Variants in RORA observed in about 807,000 individuals in gnomAD.
RORA encodes nuclear receptor ROR-alpha.
A neutral mutation model predicts 69.5 loss-of-function variants in RORA; 7 were observed. That is an observed-to-expected ratio of 0.10 (90% CI 0.06 to 0.19). RORA has a LOEUF of 0.19. Ranked by LOEUF, RORA falls within the 10% of genes least tolerant of loss-of-function variation. The pLI is 1.00. For synonymous variants in RORA, 261 were observed against 240.8 expected (o/e 1.08, Z -0.78); for missense variants, 457 against 663.0 (o/e 0.69, Z 3.41).
chr15:60,524,831 C>T (rs1052851174), intron 3 of RORA, among the ~76,000 whole-genome samples: 8 of 152,156 alleles, frequency 5.3e-5, no homozygotes, highest in Non-Finnish European at 8.8e-5. Context: ...ATTTGCAATC[C>T]GCAACAACCT....
chr15:60,548,588 G>A (rs116391837), intron 2 of RORA, among the ~76,000 whole-genome samples: 2,640 of 152,274 alleles, frequency 0.017, 72 homozygotes, highest in African/African-American at 0.052. Context: ...CAAGTGCTGG[G>A]AGGCACGAAG....
chr15:60,729,673 G>C (rs940916052), intron 1 of RORA, among the ~76,000 whole-genome samples: 2 of 152,176 alleles, frequency 1.3e-5, no homozygotes, highest in Non-Finnish European at 2.9e-5. Flanking sequence ...CCTTGGGTAG[G>C]GTAGGTTTGT....
intron 1 of RORA, among the ~76,000 whole-genome samples, chr15:60,776,770 T>G (rs776075166): frequency 6.6e-6 from 1 of 152,204 alleles, no homozygotes; most frequent in Non-Finnish European, 1.5e-5. Flanking sequence ...ATGGCATCAG[T>G]AACAGTGCAA....
At chr15:61,165,102 C>T (rs922861340) in intron 1 of RORA, among the ~76,000 whole-genome samples, 3 of 152,166 alleles carry the variant, frequency 2.0e-5, no homozygotes, top group African/African-American at 4.8e-5. Flanking sequence ...GAATAAACTG[C>T]GTAATTGTGA....
At chr15:61,116,227 G>A in intron 1 of RORA, among the ~76,000 whole-genome samples, 1 of 152,146 alleles carries the variant, frequency 6.6e-6, no homozygotes, top group East Asian at 1.9e-4. Context: ...TGAAGACGGT[G>A]AATATAGGAA....
At chr15:60,708,843 A>G (rs569376853) in intron 1 of RORA, among the ~76,000 whole-genome samples, 1 of 152,234 alleles carries the variant, frequency 6.6e-6, no homozygotes, top group African/African-American at 2.4e-5. Flanking sequence ...CTATTCCCTA[A>G]CAGAGCATCC....
At chr15:61,214,537 C>G (rs2080020533) in intron 1 of RORA, among the ~76,000 whole-genome samples, 1 of 152,192 alleles carries the variant, frequency 6.6e-6, no homozygotes, top group African/African-American at 2.4e-5. Context: ...ATGGACAAGT[C>G]TTTCTGAGGT....
At chr15:61,138,129 C>T (rs2079262423) in intron 1 of RORA, among the ~76,000 whole-genome samples, 1 of 152,148 alleles carries the variant, frequency 6.6e-6, no homozygotes, top group African/African-American at 2.4e-5. Flanking sequence ...AAAACACTAA[C>T]TCACATGCTT....
At chr15:60,938,491 G>A (rs1027672807) in intron 1 of RORA, among the ~76,000 whole-genome samples, 1 of 152,182 alleles carries the variant, frequency 6.6e-6, no homozygotes, top group African/African-American at 2.4e-5. Context: ...CGTGTGCAAA[G>A]AATTCAAATA....
At chr15:60,917,983 A>T (rs1566908906) in intron 1 of RORA, among the ~76,000 whole-genome samples, 1 of 152,222 alleles carries the variant, frequency 6.6e-6, no homozygotes, top group Non-Finnish European at 1.5e-5. Flanking sequence ...CTTTCTTCCC[A>T]TTCTCAGCCA....
At chr15:60,818,973 A>G (rs2072852365) in intron 1 of RORA, among the ~76,000 whole-genome samples, 2 of 152,234 alleles carry the variant, frequency 1.3e-5, no homozygotes, top group Non-Finnish European at 2.9e-5. Context: ...CAAACTCTAC[A>G]CCACTGTTTG....
chr15:60,789,278 T>C (rs746516112), intron 1 of RORA, among the ~76,000 whole-genome samples: 1 of 152,206 alleles, frequency 6.6e-6, no homozygotes, highest in Non-Finnish European at 1.5e-5. Context: ...ACTCTCTTCA[T>C]CCTGGCATCA....
intron 1 of RORA, among the ~76,000 whole-genome samples, chr15:60,788,811 C>T (rs77525671): frequency 0.039 from 6,003 of 152,320 alleles, 190 homozygotes; most frequent in Admixed American, 0.099. Context: ...CATGAGAAAG[C>T]CCCTGTCCCG....
Position 60,741,864 on chromosome 15 carries a change from C to A in RORA, c.167-63178G>T, listed in dbSNP as rs4476124. Among the ~76,000 whole-genome samples the A allele has an allele frequency of 2.6e-5, 4 of 152,192 alleles. 1 individual carries two copies. In the South Asian group the frequency reaches 8.3e-4, roughly 32 times the overall value. ...TTCCTGCATGGCCGCATGGCCACAGCTGATCCCCTCACTCGCCTCAAACCA... is the reference window on the plus strand; with the variant it reads ...TTCCTGCATGGCCGCATGGCCACAGATGATCCCCTCACTCGCCTCAAACCA... On this transcript the variant is annotated intron_variant, in intron 1 of 10. Coordinates refer to ENST00000335670, the MANE Select transcript of RORA (RefSeq NM_134261.3).
At chr15:61,225,700 C>A (rs2080139222) in intron 1 of RORA, among the ~76,000 whole-genome samples, 1 of 152,146 alleles carries the variant, frequency 6.6e-6, no homozygotes. Context: ...CTTCACTGAA[C>A]TAAAATATGT....
At chr15:60,505,673 T>A in intron 5 of RORA, 44 bp from the exon 6 acceptor site, 1 of 1,602,110 alleles carries the variant, frequency 6.2e-7, no homozygotes. Flanking sequence ...AGCGAAGTTC[T>A]TTGAATAATT....
Position 60,539,686 on chromosome 15 carries a change from C to A in RORA, c.197-7835G>T, listed in dbSNP as rs563001318. ...AGATACTAAATAAGTAAGTTCTCAC[C>A]CAATAAATGATACCACCAGGATCAG... On this transcript the variant is annotated intron_variant, in intron 2 of 10. Coordinates refer to ENST00000335670, the MANE Select transcript of RORA (RefSeq NM_134261.3). 2.7e-4 allele frequency among the ~76,000 whole-genome samples: 41 copies of A among 152,210 alleles called. 1 individual carries two copies. In the South Asian group the frequency reaches 8.1e-3, roughly 30 times the overall value.
At chr15:60,792,641 A>G (rs1443660634) in intron 1 of RORA, among the ~76,000 whole-genome samples, 2 of 152,254 alleles carry the variant, frequency 1.3e-5, no homozygotes, top group Non-Finnish European at 2.9e-5. Context: ...ACGGAATAAC[A>G]TCTTTAAGGT....
chr15:61,206,734 G>A lies in RORA; in HGVS notation c.166+22319C>T, dbSNP rs116041848. 1.9e-3 allele frequency among the ~76,000 whole-genome samples: 287 copies of A among 152,230 alleles called. 2 individuals are homozygous for A. The highest frequency in any genetic ancestry group is 6.4e-3 in the African/African-American group (267 of 41,526). ...ATGCAGTTTGCTCATCCTCCAGCCC[G>A]GCAGCACACAGCCCTCAGCAGCCCT... On this transcript the variant is annotated intron_variant, in intron 1 of 10. Coordinates refer to ENST00000335670, the MANE Select transcript of RORA (RefSeq NM_134261.3).
Sources: allele counts gnomAD v4.1 joint callset (sites outside exome capture counted in the v4.1 genomes callset), GRCh38; gene constraint gnomAD v4.1.1; transcripts MANE v1.5; gene names NCBI Gene and HGNC (gene_info 2026-07-23, HGNC 2026-07-21).